PDE4D: variants seen among roughly 807,000 people sequenced by gnomAD.
PDE4D encodes 3',5'-cyclic-AMP phosphodiesterase 4D.
In PDE4D, 24 loss-of-function variants were observed where a neutral mutation model predicts 87.4. That is an observed-to-expected ratio of 0.27 (90% CI 0.20 to 0.39). PDE4D has a LOEUF of 0.39. Ranked by LOEUF, PDE4D falls within the 10% of genes least tolerant of loss-of-function variation. PDE4D has a pLI of 1.00. For synonymous variants in PDE4D, 384 were observed against 383.2 expected, an observed-to-expected ratio of 1.00 and a Z score of -0.02; for missense variants, 714 against 1,041.0, an observed-to-expected ratio of 0.69 and a Z score of 4.32.
In PDE4D at chr5:60,064,427, A is replaced by G. The variant is rs79417114; in HGVS notation, c.43-75710T>C. ...TGTCTAGCATCTTATGCCTTTTTGT[A>G]TAACTACATCTCATACTCAGAGCTC... On this transcript the variant is annotated intron_variant, in intron 2 of 16. Coordinates refer to the PDE4D transcript ENST00000502484. Among the ~76,000 whole-genome samples, 1,273 of 152,224 alleles carry G rather than the reference A, an allele frequency of 8.4e-3. 63 individuals carry two copies. The East Asian group carries it at 0.14, about 17-fold the overall frequency.
chr5:59,193,869 A>G (rs1331498656), intron 2 of PDE4D: 1 of 716,286 alleles, frequency 1.4e-6, no homozygotes, highest in Non-Finnish European at 1.7e-6. Flanking sequence ...TACTGTAGAT[A>G]TTAGTAAGGG....
chr5:60,031,974 G>A (rs1263142311), intron 2 of PDE4D, among the ~76,000 whole-genome samples: 1 of 152,136 alleles, frequency 6.6e-6, no homozygotes, highest in Non-Finnish European at 1.5e-5. Flanking sequence ...ATCTTAAGAA[G>A]CTATAAGGAA....
intron 1 of PDE4D, among the ~76,000 whole-genome samples, chr5:59,681,438 C>G (rs1748988198): frequency 6.6e-6 from 1 of 152,154 alleles, no homozygotes; most frequent in Non-Finnish European, 1.5e-5. Flanking sequence ...TTCCCCTTAG[C>G]AAACCACTAT....
chr5:60,044,778 G>C (rs1769001255), intron 2 of PDE4D, among the ~76,000 whole-genome samples: 1 of 152,132 alleles, frequency 6.6e-6, no homozygotes. Flanking sequence ...TGGACATTTG[G>C]GTTGGTTCCA....
intron 2 of PDE4D, among the ~76,000 whole-genome samples, chr5:60,114,387 T>C (rs900920825): frequency 6.6e-6 from 1 of 152,106 alleles, no homozygotes; most frequent in Non-Finnish European, 1.5e-5. Context: ...TTATGTGCTT[T>C]CTAAAGTTTT....
At chr5:59,632,171 T>A (rs1189580836) in intron 1 of PDE4D, among the ~76,000 whole-genome samples, 1 of 152,198 alleles carries the variant, frequency 6.6e-6, no homozygotes, top group East Asian at 1.9e-4. Context: ...ACAAAGTTGC[T>A]GTAGCCAGAC....
chr5:59,040,286 CG>C (rs1484388803), intron 5 of PDE4D, among the ~76,000 whole-genome samples: 1 of 152,090 alleles, frequency 6.6e-6, no homozygotes, highest in Non-Finnish European at 1.5e-5. Flanking sequence ...GTTGTGGGGT[CG>C]GAACGCTTTA....
At chr5:59,109,002 T>G (rs189321426) in intron 5 of PDE4D, among the ~76,000 whole-genome samples, 46 of 143,362 alleles carry the variant, frequency 3.2e-4, no homozygotes, top group African/African-American at 1.0e-3. Flanking sequence ...TGTGTGTGTG[T>G]GGTGTAGGCC....
At chr5:59,144,497 A>G (rs1042046121) in intron 5 of PDE4D, among the ~76,000 whole-genome samples, 48 of 152,184 alleles carry the variant, frequency 3.2e-4, no homozygotes, top group Non-Finnish European at 5.0e-4. Flanking sequence ...AATAAATAAT[A>G]CTCAATGAGA....
chr5:59,686,689 A>G (rs1273280731), intron 1 of PDE4D, among the ~76,000 whole-genome samples: 1 of 152,142 alleles, frequency 6.6e-6, no homozygotes, highest in Non-Finnish European at 1.5e-5. Flanking sequence ...TCTCAACACA[A>G]CAAATATTTA....
intron 5 of PDE4D, among the ~76,000 whole-genome samples, chr5:59,084,771 C>A (rs553935120): frequency 6.6e-6 from 1 of 151,674 alleles, no homozygotes; most frequent in East Asian, 1.9e-4. Context: ...AATCAGCCCA[C>A]GAATAAATAA....
chr5:60,104,698 G>A (rs148855979), intron 2 of PDE4D, among the ~76,000 whole-genome samples: 2,872 of 152,234 alleles, frequency 0.019, 84 homozygotes, highest in African/African-American at 0.066. Context: ...CATCATTTGC[G>A]GTTCACGAAA....
chr5:60,059,991 T>C (rs796321951), intron 2 of PDE4D, among the ~76,000 whole-genome samples: 8 of 151,992 alleles, frequency 5.3e-5, no homozygotes, highest in African/African-American at 1.9e-4. Context: ...AAAATTATAA[T>C]CATAGCTCAT....
intron 3 of PDE4D, among the ~76,000 whole-genome samples, chr5:59,942,411 T>C (rs1196464096): frequency 1.3e-5 from 2 of 152,146 alleles, no homozygotes; most frequent in Non-Finnish European, 2.9e-5. Flanking sequence ...AAAAGCTTGC[T>C]CTGTGAGGTT....
intron 1 of PDE4D, among the ~76,000 whole-genome samples, chr5:59,867,123 G>T (rs547783955): frequency 6.6e-6 from 1 of 152,236 alleles, no homozygotes; most frequent in East Asian, 1.9e-4. Flanking sequence ...TAATTTCAGA[G>T]GATAAGAAAG....
chr5:59,961,315 A>G (rs1759445430), intron 3 of PDE4D, among the ~76,000 whole-genome samples: 1 of 151,636 alleles, frequency 6.6e-6, no homozygotes, highest in African/African-American at 2.4e-5. Flanking sequence ...AAAAAAAAAA[A>G]AGGCCACGAG....
intron 2 of PDE4D, among the ~76,000 whole-genome samples, chr5:60,006,774 G>A (rs563577565): frequency 1.3e-5 from 2 of 151,966 alleles, no homozygotes; most frequent in South Asian, 4.1e-4. Context: ...TAAAAATTAA[G>A]TGCTTCTTTT....
chr5:58,999,417 C>A, intron 6 of PDE4D: 1 of 734,450 alleles, frequency 1.4e-6, no homozygotes, highest in Admixed American at 2.4e-5. Context: ...GAACAAATTA[C>A]AGTAGAGTCT....
At chr5:59,015,374 T>C (rs1020728315) in intron 6 of PDE4D, among the ~76,000 whole-genome samples, 2 of 152,098 alleles carry the variant, frequency 1.3e-5, no homozygotes, top group African/African-American at 2.4e-5. Flanking sequence ...TATCTATCCA[T>C]CTGACAAAGG....
Sources: allele counts gnomAD v4.1 joint callset (sites outside exome capture counted in the v4.1 genomes callset), GRCh38; gene constraint gnomAD v4.1.1; transcripts MANE v1.5; gene names NCBI Gene and HGNC (gene_info 2026-07-23, HGNC 2026-07-21).